Variants in TMEM30A observed in about 807,000 individuals in gnomAD.
TMEM30A encodes cell cycle control protein 50A.
TMEM30A carries 24 observed loss-of-function variants against 38.2 expected under a neutral mutation model. The ratio of observed to expected loss-of-function variants is 0.63; its 90% CI spans 0.46 to 0.88. The LOEUF is 0.88. Ranked by LOEUF, TMEM30A falls within the 40% of genes least tolerant of loss-of-function variation. The probability of loss-of-function intolerance (pLI) is 0.00; values close to 1 mark genes in which losing one functional copy is unlikely to be tolerated. For synonymous variants in TMEM30A, 145 were observed against 161.6 expected (o/e 0.90, Z 0.78); for missense variants, 370 against 458.6 (o/e 0.81, Z 1.77).
intron 1 of TMEM30A, among the ~76,000 whole-genome samples, chr6:75,280,822 C>T (rs1164668999): frequency 6.6e-6 from 1 of 152,082 alleles, no homozygotes; most frequent in Non-Finnish European, 1.5e-5. Flanking sequence ...TTATACAAAG[C>T]AACTTATTCT....
rs1282725248 is a variant in TMEM30A at position 75,253,558 on chromosome 6, T to C, written c.*2544A>G. The stretch of plus-strand genomic sequence containing the variant: ...CTGTGTTAAAATTTAGTGCTAAATG[T>C]AAGCAACAACACTGGAGCATTGTTA... On this transcript the variant is annotated 3_prime_UTR_variant, in exon 7 of 7. Coordinates refer to ENST00000230461, the MANE Select transcript of TMEM30A (RefSeq NM_018247.4). 2.0e-5 allele frequency: 3 copies of C among 152,618 alleles called. No homozygotes were observed. Among genetic ancestry groups the C allele is most frequent in the Non-Finnish European group, 4.4e-5 (3 of 68,020 alleles). 9.5% of individuals were successfully genotyped at this position (152,618 alleles called of 1,614,324 possible). A position where few individuals can be genotyped will look rare whatever the true frequency, so the allele number is the denominator to read the frequency against.
intron 1 of TMEM30A, among the ~76,000 whole-genome samples, chr6:75,282,798 A>C (rs1319081999): frequency 6.6e-6 from 1 of 152,218 alleles, no homozygotes; most frequent in Non-Finnish European, 1.5e-5. Context: ...GATATGAATG[A>C]TTCTACCTAT....
In TMEM30A at chr6:75,258,718, T is replaced by C. The variant is rs73747454; in HGVS notation, c.892+62A>G. 8 of 1,444,674 alleles carry C rather than the reference T, an allele frequency of 5.5e-6. No homozygotes were observed. The African/African-American group carries it at 5.6e-5, about 10-fold the overall frequency. The allele number at this position is 1,444,674 out of a possible 1,614,324, so 89.5% of individuals were successfully genotyped here. The stretch of plus-strand genomic sequence containing the variant: ...AAGGTAACATGCCACATAACAGATA[T>C]AAGGTTGGACTCGACTCCTTTCAAG... On this transcript the variant is annotated intron_variant, in intron 6 of 6. Coordinates refer to ENST00000230461, the MANE Select transcript of TMEM30A (RefSeq NM_018247.4).
intron 1 of TMEM30A, among the ~76,000 whole-genome samples, chr6:75,280,393 T>C (rs1181857331): frequency 6.6e-6 from 1 of 152,148 alleles, no homozygotes; most frequent in Non-Finnish European, 1.5e-5. Context: ...AGATATTAGG[T>C]ATGTAGGTTC....
In TMEM30A at chr6:75,284,665, T is replaced by C; in HGVS notation, c.-27A>G. 1.9e-6 allele frequency: 3 copies of C among 1,608,640 alleles called. No homozygotes were observed. The highest frequency in any genetic ancestry group is 1.7e-5 in the Admixed American group (1 of 60,018). ...GATCCCTGGGGCGCCGCTCCGCGAT[T>C]TGCAGGTGGACCACCCAGGGGGCCC... On this transcript the variant is annotated 5_prime_UTR_variant, in exon 1 of 7. Coordinates refer to ENST00000230461, the MANE Select transcript of TMEM30A (RefSeq NM_018247.4).
chr6:75,259,215 C>T, intron 5 of TMEM30A, 132 bp downstream of exon 5: 3 of 1,010,406 alleles, frequency 3.0e-6, no homozygotes, highest in East Asian at 5.1e-5. Flanking sequence ...ATTTACCTAA[C>T]TTGGTATGAA....
chr6:75,281,741 C>G (rs1172615524), intron 1 of TMEM30A, among the ~76,000 whole-genome samples: 1 of 152,058 alleles, frequency 6.6e-6, no homozygotes. Context: ...CCCTAGTAAT[C>G]TGAACTAAAA....
intron 1 of TMEM30A, among the ~76,000 whole-genome samples, chr6:75,269,369 C>T (rs1772127464): frequency 6.6e-6 from 1 of 152,172 alleles, no homozygotes; most frequent in Admixed American, 6.5e-5. Flanking sequence ...TTGTACTTTC[C>T]AGAATGTTAT....
chr6:75,277,460 C>G (rs1230269473), intron 1 of TMEM30A, among the ~76,000 whole-genome samples: 1 of 152,144 alleles, frequency 6.6e-6, no homozygotes, highest in Non-Finnish European at 1.5e-5. Context: ...ACAATTAAGC[C>G]AGACACAGTG....
At chr6:75,275,058 C>G (rs1234607493) in intron 1 of TMEM30A, among the ~76,000 whole-genome samples, 2 of 151,524 alleles carry the variant, frequency 1.3e-5, no homozygotes, top group African/African-American at 4.8e-5. Flanking sequence ...TTCTGTGAAC[C>G]ATGAGCAACA....
intron 4 of TMEM30A, among the ~76,000 whole-genome samples, 176 bp downstream of exon 4, chr6:75,260,648 T>G (rs1050132091): frequency 2.0e-5 from 3 of 152,148 alleles, no homozygotes; most frequent in African/African-American, 7.2e-5. Flanking sequence ...CACTCTAAAA[T>G]GTAAGTATGC....
intron 3 of TMEM30A, among the ~76,000 whole-genome samples, chr6:75,264,316 T>C (rs1346419130): frequency 1.3e-5 from 2 of 152,226 alleles, no homozygotes; most frequent in African/African-American, 2.4e-5. Context: ...GGCCTCTGAA[T>C]GTTTGCTGCA....
chr6:75,283,847 A>G (rs1185104518), intron 1 of TMEM30A, among the ~76,000 whole-genome samples: 1 of 152,214 alleles, frequency 6.6e-6, no homozygotes, highest in Non-Finnish European at 1.5e-5. Flanking sequence ...AAGTCCTCAT[A>G]TGTGACCTGA....
At chr6:75,279,040 TA>T (rs1327784197) in intron 1 of TMEM30A, among the ~76,000 whole-genome samples, 2 of 151,888 alleles carry the variant, frequency 1.3e-5, no homozygotes, top group African/African-American at 4.8e-5. Context: ...TAGCAATGCT[TA>T]GTTTTCTTGT....
intron 1 of TMEM30A, 168 bp downstream of exon 1, chr6:75,284,234 A>C (rs578256549): frequency 1.4e-6 from 1 of 697,284 alleles, no homozygotes; most frequent in South Asian, 1.6e-5. Context: ...AAATTCAGGA[A>C]ACCCGCAGAA....
intron 3 of TMEM30A, among the ~76,000 whole-genome samples, chr6:75,264,660 T>TA (rs796560365): frequency 1.0e-4 from 15 of 149,062 alleles, no homozygotes; most frequent in African/African-American, 1.5e-4. Flanking sequence ...AAATAAAAAA[T>TA]AAAAAAAAAT....
chr6:75,280,041 C>T (rs1772331803), intron 1 of TMEM30A, among the ~76,000 whole-genome samples: 1 of 152,100 alleles, frequency 6.6e-6, no homozygotes, highest in Non-Finnish European at 1.5e-5. Context: ...TTAATGAAGA[C>T]AAAAGGTAAG....
intron 1 of TMEM30A, among the ~76,000 whole-genome samples, chr6:75,271,249 T>C (rs964551365): frequency 1.3e-5 from 2 of 152,188 alleles, no homozygotes; most frequent in Non-Finnish European, 2.9e-5. Flanking sequence ...GAAATCATAT[T>C]CTTTTTTTAA....
At chr6:75,257,341 C>T (rs1771883400) in intron 6 of TMEM30A, among the ~76,000 whole-genome samples, 1 of 152,102 alleles carries the variant, frequency 6.6e-6, no homozygotes, top group African/African-American at 2.4e-5. Context: ...GGTCCAAATT[C>T]CTGTCTTATC....
Sources: allele counts gnomAD v4.1 joint callset (sites outside exome capture counted in the v4.1 genomes callset), GRCh38; gene constraint gnomAD v4.1.1; transcripts MANE v1.5; gene names NCBI Gene and HGNC (gene_info 2026-07-23, HGNC 2026-07-21).